The following RBPJ variants were observed in gnomAD, a reference collection of about 807,000 sequenced individuals.
The protein encoded by RBPJ is recombination signal binding protein for immunoglobulin kappa J region, also known as recombining binding protein suppressor of hairless.
RBPJ carries 9 observed loss-of-function variants against 67.8 expected under a neutral mutation model. That is an observed-to-expected ratio of 0.13 (90% confidence interval 0.08 to 0.23). The LOEUF is 0.23. Ranked by LOEUF, RBPJ falls within the 10% of genes least tolerant of loss-of-function variation. RBPJ has a pLI of 1.00. For missense variants in RBPJ, 305 were observed against 595.6 expected (o/e 0.51, Z 5.08); for synonymous variants, 198 against 203.3 (o/e 0.97, Z 0.22).
chr4:26,201,929 A>T (rs1305783182), intron 1 of RBPJ, among the ~76,000 whole-genome samples: 1 of 152,226 alleles, frequency 6.6e-6, no homozygotes, highest in Non-Finnish European at 1.5e-5. Context: ...GCTACCTGTT[A>T]CAAAATTCAA....
intron 2 of RBPJ, among the ~76,000 whole-genome samples, chr4:26,388,496 A>T (rs1244770445): frequency 1.3e-5 from 2 of 152,348 alleles, no homozygotes; most frequent in East Asian, 3.9e-4. Flanking sequence ...AGTGAAGTAT[A>T]GCTTTATTTG....
intron 5 of RBPJ, among the ~76,000 whole-genome samples, chr4:26,423,900 A>G (rs565981146): frequency 1.1e-4 from 17 of 152,348 alleles, no homozygotes; most frequent in African/African-American, 3.8e-4. Context: ...TATTAAAAAT[A>G]TATACATTTG....
chr4:26,364,625 CTTTT>C (rs932946481), intron 1 of RBPJ, among the ~76,000 whole-genome samples: 7 of 105,516 alleles, frequency 6.6e-5, no homozygotes, highest in African/African-American at 2.5e-4. Context: ...TTTTCATTTT[CTTTT>C]TTTTTTTTTT....
chr4:26,382,528 A>G (rs768087376), intron 1 of RBPJ, among the ~76,000 whole-genome samples: 3 of 151,932 alleles, frequency 2.0e-5, no homozygotes, highest in Admixed American at 1.3e-4. Flanking sequence ...GGAATTATGT[A>G]TTGTCTTTTT....
At chr4:26,239,222 C>T (rs916918976) in intron 1 of RBPJ, among the ~76,000 whole-genome samples, 1 of 152,156 alleles carries the variant, frequency 6.6e-6, no homozygotes, top group African/African-American at 2.4e-5. Context: ...CAGATCAGTT[C>T]GGGTTTTGTA....
rs1390375120 is a variant in RBPJ at position 26,244,128 on chromosome 4, AATGTATATATATATGTGTACACATAT to A, written c.-167+80531_-167+80556del. ...AAAAAAGAAGAAAAAGAAACTTTAA[AATGTATATATATATGTGTACACATAT>A]ATGTATATATATATGTATACACATA... On this transcript the variant is annotated intron_variant, in intron 1 of 4. Coordinates refer to the RBPJ transcript ENST00000512351. Among the ~76,000 whole-genome samples, 156 of 143,704 alleles carry A rather than the reference AATGTATATATATATGTGTACACATAT, an allele frequency of 1.1e-3. 3 individuals are homozygous for A. The highest frequency in any genetic ancestry group is 1.4e-3 in the Non-Finnish European group (93 of 65,330). The allele number at this position is 143,704 out of a possible 152,430, so 94.3% of individuals were successfully genotyped here. A position where few individuals can be genotyped will look rare whatever the true frequency, so the allele number is the denominator to read the frequency against.
chr4:26,320,893 G>T (rs1005451563), upstream of RBPJ: 3 of 1,587,914 alleles, frequency 1.9e-6, no homozygotes, highest in Admixed American at 1.8e-5. Flanking sequence ...TCGCGGCGGC[G>T]GCGAGGGGAA....
intron 7 of RBPJ, among the ~76,000 whole-genome samples, chr4:26,425,877 C>T (rs747874160): frequency 2.0e-5 from 3 of 151,536 alleles, no homozygotes; most frequent in Non-Finnish European, 4.4e-5. Context: ...ATTCCACTGG[C>T]TTATATTTTC....
chr4:26,346,395 C>T (rs994596929), intron 1 of RBPJ, among the ~76,000 whole-genome samples: 1 of 152,130 alleles, frequency 6.6e-6, no homozygotes, highest in African/African-American at 2.4e-5. Context: ...GCGGGGAAGG[C>T]TGGCTGCCTA....
intron 2 of RBPJ, among the ~76,000 whole-genome samples, chr4:26,390,703 A>G (rs1731410986): frequency 6.6e-6 from 1 of 152,220 alleles, no homozygotes; most frequent in South Asian, 2.1e-4. Context: ...AAGACTACCA[A>G]ACATTACTGG....
chr4:26,400,269 A>G (rs1214329460), intron 2 of RBPJ, among the ~76,000 whole-genome samples: 1 of 152,108 alleles, frequency 6.6e-6, no homozygotes, highest in Non-Finnish European at 1.5e-5. Flanking sequence ...CTCTTTCTTG[A>G]CATTTGGCAC....
At chr4:26,146,364 T>A in the RBPJ span, among the ~76,000 whole-genome samples, 1 of 152,326 alleles carries the variant, frequency 6.6e-6, no homozygotes, top group South Asian at 2.1e-4. Context: ...ACTTAGACCC[T>A]TGACTCACAC....
intron 1 of RBPJ, among the ~76,000 whole-genome samples, chr4:26,378,767 C>T (rs1232953261): frequency 6.6e-6 from 1 of 152,154 alleles, no homozygotes; most frequent in Non-Finnish European, 1.5e-5. Flanking sequence ...TGGCTCAGGC[C>T]TGTAATCCCA....
intron 1 of RBPJ, among the ~76,000 whole-genome samples, chr4:26,188,077 T>TG (rs1717339766): frequency 6.8e-6 from 1 of 147,230 alleles, no homozygotes; most frequent in Non-Finnish European, 1.5e-5. Flanking sequence ...GGCAGGAGGG[T>TG]GTGTGCCTGT....
intron 1 of RBPJ, among the ~76,000 whole-genome samples, chr4:26,214,221 AG>A (rs1718535281): frequency 6.7e-6 from 1 of 148,652 alleles, no homozygotes; most frequent in Non-Finnish European, 1.5e-5. Flanking sequence ...AAGAAAGCAA[AG>A]GAAGGAGAGA....
Position 26,345,796 on chromosome 4 carries a change from C to T in RBPJ, c.20+24748C>T, listed in dbSNP as rs189401363. ...TCATTTCTGCTTAGTCAGATGACTA[C>T]CCCATCCCGTACTTTGAGGCATTGG... On this transcript the variant is annotated intron_variant, in intron 1 of 10. Coordinates refer to ENST00000355476, the MANE Select transcript of RBPJ (RefSeq NM_015874.6). 2.6e-4 allele frequency among the ~76,000 whole-genome samples: 39 copies of T among 152,278 alleles called. No individual in the cohort carries two copies. The South Asian group carries it at 3.5e-3, about 14-fold the overall frequency.
At chr4:26,149,883 G>T in the RBPJ span, among the ~76,000 whole-genome samples, 1 of 152,150 alleles carries the variant, frequency 6.6e-6, no homozygotes, top group Non-Finnish European at 1.5e-5. Context: ...CTCCAGGTTT[G>T]CCAGCTTTAC....
intron 1 of RBPJ, chr4:26,367,947 T>C (rs1324592306): frequency 1.3e-5 from 2 of 152,238 alleles, no homozygotes; most frequent in African/African-American, 4.8e-5. Context: ...TTTTCTACAC[T>C]TGGGAGTTGA....
intron 3 of RBPJ, among the ~76,000 whole-genome samples, chr4:26,413,988 G>T (rs1181287877): frequency 6.6e-6 from 1 of 151,954 alleles, no homozygotes; most frequent in Non-Finnish European, 1.5e-5. Context: ...AGTGTGAGTG[G>T]GTATATATAC....
Sources: gnomAD v4.1 joint callset for allele counts (sites outside exome capture counted in the v4.1 genomes callset) on GRCh38, gnomAD v4.1.1 for gene constraint, MANE v1.5 for transcripts, NCBI Gene and HGNC (gene_info 2026-07-23, HGNC 2026-07-21) for gene names.